Variants in SH3D19 observed in about 807,000 individuals in gnomAD.
SH3D19 encodes the protein SH3 domain-containing protein 19.
In SH3D19, 58 loss-of-function variants were observed where a neutral mutation model predicts 112.1. The observed-to-expected ratio is 0.52, with a 90% CI of 0.42 to 0.64. The LOEUF (loss-of-function observed/expected upper bound fraction) is 0.64, where lower values mean the gene tolerates loss of function less well. Ranked by LOEUF, SH3D19 falls within the 30% of genes least tolerant of loss-of-function variation. SH3D19 has a pLI of 0.00. For synonymous variants in SH3D19, 391 were observed against 448.5 expected, an observed-to-expected ratio of 0.87 and a Z score of 1.62; for missense variants, 1,090 against 1,263.4, an observed-to-expected ratio of 0.86 and a Z score of 2.08.
chr4:151,242,758 CAT>C (rs961890255), intron 1 of SH3D19, among the ~76,000 whole-genome samples: 1 of 152,066 alleles, frequency 6.6e-6, no homozygotes, highest in African/African-American at 2.4e-5. Context: ...TATTCTAAGA[CAT>C]AAAGCATCTG....
intron 9 of SH3D19, among the ~76,000 whole-genome samples, chr4:151,150,344 C>CATATATATATACAT (rs1754829550): frequency 7.0e-6 from 1 of 142,348 alleles, no homozygotes; most frequent in African/African-American, 2.6e-5. Context: ...TATACACACA[C>CATATATATATACAT]ATATATATAT....
intron 1 of SH3D19, among the ~76,000 whole-genome samples, chr4:151,286,985 T>A (rs1178934500): frequency 1.7e-5 from 2 of 119,400 alleles, no homozygotes. Flanking sequence ...GTCTCAAAAA[T>A]AATAATAATA....
chr4:151,285,687 T>G (rs1774679729), intron 1 of SH3D19, among the ~76,000 whole-genome samples: 2 of 152,034 alleles, frequency 1.3e-5, no homozygotes, highest in Non-Finnish European at 2.9e-5. Flanking sequence ...GGCAACATAG[T>G]GAGACCTTGT....
chr4:151,189,287 G>A (rs1297427850), intron 2 of SH3D19, among the ~76,000 whole-genome samples: 1 of 151,910 alleles, frequency 6.6e-6, no homozygotes, highest in African/African-American at 2.4e-5. Flanking sequence ...CTGATTTTTT[G>A]TATTTTTAGT....
chr4:151,158,042 T>C (rs1246407159), intron 9 of SH3D19, among the ~76,000 whole-genome samples: 1 of 152,172 alleles, frequency 6.6e-6, no homozygotes, highest in African/African-American at 2.4e-5. Context: ...AGGATGACTA[T>C]AGTTAACAAT....
Position 151,175,293 on chromosome 4 carries a change from G to T in SH3D19, c.911C>A (p.Thr304Lys). 6.2e-7 allele frequency: 1 copy of T among 1,614,168 alleles called. No homozygotes were observed. The highest frequency in any genetic ancestry group is 8.5e-7 in the Non-Finnish European group (1 of 1,180,022). Residue 304 changes from threonine to lysine, a missense_variant, in exon 7 of 20, where the codon ACA becomes AAA. Coordinates refer to ENST00000604030, the MANE Select transcript of SH3D19 (RefSeq NM_001378122.1). ...GGGCAGTCCTGAGGTTTCTATGTTT[G>T]TCTGACCCTCAAACACTTTAATTCT... ...VSRIKVFEGQ[T>K]NIETSGLPKK...
At chr4:151,186,193 T>C (rs1431395375) in intron 3 of SH3D19, among the ~76,000 whole-genome samples, 1 of 152,206 alleles carries the variant, frequency 6.6e-6, no homozygotes, top group Non-Finnish European at 1.5e-5. Flanking sequence ...AAGAGATCTT[T>C]CCAGAGCCTT....
At chr4:151,258,707 T>G (rs1393493679) in intron 1 of SH3D19, among the ~76,000 whole-genome samples, 1 of 152,112 alleles carries the variant, frequency 6.6e-6, no homozygotes, top group Non-Finnish European at 1.5e-5. Context: ...ACTTCTGAAG[T>G]CTGGTCCCTT....
rs757247209 is a variant in SH3D19 at position 151,182,992 on chromosome 4, C to CTTTTTTT, written c.194-3602_194-3596dup. ...TTACAGAATTATTTTCAAACTTTTT[C>CTTTTTTT]TTTTTTTTTTTCTTTTTGAGCTGGG... is the stretch of plus-strand genomic sequence containing the variant. On this transcript the variant is annotated intron_variant, in intron 3 of 19. Coordinates refer to ENST00000604030, the MANE Select transcript of SH3D19 (RefSeq NM_001378122.1). 1.4e-5 allele frequency among the ~76,000 whole-genome samples: 2 copies of CTTTTTTT among 139,984 alleles called. 1 individual carries two copies. The highest frequency in any genetic ancestry group is 3.1e-5 in the Non-Finnish European group (2 of 63,972). The allele number at this position is 139,984 out of a possible 152,430, so 91.8% of individuals were successfully genotyped here.
chr4:151,177,073 C>A, intron 4 of SH3D19, 118 bp from the exon 5 acceptor site: 1 of 879,800 alleles, frequency 1.1e-6, no homozygotes, highest in Non-Finnish European at 1.5e-6. Flanking sequence ...AGAACTAACA[C>A]AGTCACAGAA....
chr4:151,229,668 T>A (rs1261169030), intron 1 of SH3D19, among the ~76,000 whole-genome samples: 2 of 152,164 alleles, frequency 1.3e-5, no homozygotes, highest in Non-Finnish European at 2.9e-5. Flanking sequence ...ATCCCAGTAC[T>A]TTGGGAGGCC....
At chr4:151,139,916 A>C in intron 12 of SH3D19, 69 bp from the exon 13 acceptor site, 1 of 1,486,130 alleles carries the variant, frequency 6.7e-7, no homozygotes, top group Non-Finnish European at 9.3e-7. Context: ...TCACTCTGAG[A>C]CCAATTTTTT....
At chr4:151,190,975 C>G (rs1410964821) in intron 2 of SH3D19, among the ~76,000 whole-genome samples, 2 of 152,238 alleles carry the variant, frequency 1.3e-5, no homozygotes, top group Non-Finnish European at 2.9e-5. Context: ...TGCAAAACCA[C>G]AGGGGTGGAG....
At chr4:151,204,065 ACAAT>A (rs1360904097) in intron 2 of SH3D19, among the ~76,000 whole-genome samples, 3 of 152,166 alleles carry the variant, frequency 2.0e-5, no homozygotes, top group Non-Finnish European at 4.4e-5. Flanking sequence ...TATATTTGTC[ACAAT>A]GTGTTTTTAA....
At chr4:151,285,943 G>A (rs891545514) in intron 1 of SH3D19, among the ~76,000 whole-genome samples, 9 of 150,888 alleles carry the variant, frequency 6.0e-5, no homozygotes, top group African/African-American at 7.3e-5. Context: ...ACCTGTAATC[G>A]CAGCACTTTG....
intron 7 of SH3D19, among the ~76,000 whole-genome samples, chr4:151,171,742 T>C (rs567857496): frequency 1.3e-5 from 2 of 152,336 alleles, no homozygotes; most frequent in African/African-American, 4.8e-5. Flanking sequence ...TTGAGTTCTG[T>C]TAATAGCAGA....
intron 1 of SH3D19, among the ~76,000 whole-genome samples, chr4:151,269,960 C>T (rs1283711943): frequency 2.0e-5 from 3 of 152,098 alleles, no homozygotes; most frequent in African/African-American, 7.2e-5. Flanking sequence ...GGAAGGTGTT[C>T]AGGGGCAATA....
intron 9 of SH3D19, among the ~76,000 whole-genome samples, chr4:151,152,571 G>T (rs1461719815): frequency 2.1e-5 from 3 of 146,202 alleles, no homozygotes; most frequent in Non-Finnish European, 4.5e-5. Context: ...CCAGGCTGGA[G>T]TGCAGTGGCA....
intron 1 of SH3D19, among the ~76,000 whole-genome samples, chr4:151,323,868 T>C (rs927316685): frequency 2.0e-5 from 3 of 152,232 alleles, no homozygotes; most frequent in African/African-American, 7.2e-5. Context: ...TACAGTCTCT[T>C]GTGAGAATGA....
Sources: allele counts gnomAD v4.1 joint callset (sites outside exome capture counted in the v4.1 genomes callset), GRCh38; gene constraint gnomAD v4.1.1; transcripts MANE v1.5; gene names NCBI Gene and HGNC (gene_info 2026-07-23, HGNC 2026-07-21).